Variants in COL4A4 observed in about 807,000 individuals in gnomAD.
The protein encoded by COL4A4 is collagen alpha-4(IV) chain.
In COL4A4, 105 loss-of-function variants were observed where a neutral mutation model predicts 192.9. The ratio of observed to expected loss-of-function variants is 0.54; its 90% CI spans 0.46 to 0.64. The LOEUF (loss-of-function observed/expected upper bound fraction) is 0.64, where lower values mean the gene tolerates loss of function less well. Among genes scored for constraint, COL4A4 ranks in the 30% least tolerant of loss-of-function variants. The pLI is 0.00. For synonymous variants in COL4A4, 762 were observed against 769.9 expected, an observed-to-expected ratio of 0.99 and a Z score of 0.17; for missense variants, 1,967 against 2,169.3, an observed-to-expected ratio of 0.91 and a Z score of 1.85.
intron 25 of COL4A4, among the ~76,000 whole-genome samples, chr2:227,068,610 C>A (rs1257175414): frequency 6.6e-6 from 1 of 152,124 alleles, no homozygotes; most frequent in Admixed American, 6.5e-5. Context: ...GAACCAAAGA[C>A]AAAAACCACA....
chr2:227,058,308 T>C (rs1976021559), intron 28 of COL4A4, among the ~76,000 whole-genome samples: 1 of 152,130 alleles, frequency 6.6e-6, no homozygotes, highest in Admixed American at 6.5e-5. Flanking sequence ...TCTTTCCAAT[T>C]ATTCCTCTGC....
chr2:227,142,899 T>C (rs936133491), intron 3 of COL4A4, among the ~76,000 whole-genome samples: 4 of 151,982 alleles, frequency 2.6e-5, no homozygotes, highest in Admixed American at 1.3e-4. Flanking sequence ...GGAAAACAAA[T>C]GTCCTCTTTC....
intron 22 of COL4A4, among the ~76,000 whole-genome samples, chr2:227,083,911 G>A (rs1276641106): frequency 6.6e-6 from 1 of 152,254 alleles, no homozygotes; most frequent in Admixed American, 6.5e-5. Flanking sequence ...CAGTGAAGAG[G>A]AAGCCAAAAA....
In COL4A4 at chr2:227,044,735, G is replaced by A. The variant is rs576283039; in HGVS notation, c.3290-1551C>T. Among the ~76,000 whole-genome samples, 126 of 152,142 alleles carry A rather than the reference G, an allele frequency of 8.3e-4. 1 individual carries two copies. The highest frequency in any genetic ancestry group is 1.3e-3 in the Non-Finnish European group (86 of 68,006). ...TGCAGAGTAGGTAGGACTGAACCCA[G>A]GATAATCACATATAATCCCAAGACC... On this transcript the variant is annotated intron_variant, in intron 35 of 47. Coordinates refer to ENST00000396625, the MANE Select transcript of COL4A4 (RefSeq NM_000092.5).
At chr2:227,126,008 C>T (rs1229777266) in intron 4 of COL4A4, among the ~76,000 whole-genome samples, 7 of 152,118 alleles carry the variant, frequency 4.6e-5, no homozygotes, top group Non-Finnish European at 7.4e-5. Flanking sequence ...GCAAGACAGG[C>T]GGCCCTCCAT....
At chr2:227,107,751 C>T (rs999468950) in intron 12 of COL4A4, among the ~76,000 whole-genome samples, 1 of 131,412 alleles carries the variant, frequency 7.6e-6, no homozygotes, top group East Asian at 2.1e-4. Flanking sequence ...TCTTAAATCA[C>T]TTTTCTTTTT....
At chr2:227,060,827 A>T (rs1256051366) in intron 26 of COL4A4, among the ~76,000 whole-genome samples, 1 of 150,266 alleles carries the variant, frequency 6.7e-6, no homozygotes, top group Non-Finnish European at 1.5e-5. Context: ...TCCTGGGTTC[A>T]CGCCATTCTC....
chr2:226,994,373 T>C, the COL4A4 span, among the ~76,000 whole-genome samples: 1 of 152,122 alleles, frequency 6.6e-6, no homozygotes, highest in Non-Finnish European at 1.5e-5. Context: ...GTGGTGATGA[T>C]TGAATGAAGA....
chr2:227,138,822 G>A (rs1164691331), intron 4 of COL4A4, among the ~76,000 whole-genome samples: 1 of 152,140 alleles, frequency 6.6e-6, no homozygotes, highest in East Asian at 1.9e-4. Flanking sequence ...TAAAGATGAA[G>A]CAATACCATG....
intron 44 of COL4A4, among the ~76,000 whole-genome samples, chr2:227,013,750 T>G (rs1046898290): frequency 6.6e-6 from 1 of 152,162 alleles, no homozygotes; most frequent in Non-Finnish European, 1.5e-5. Context: ...AAACATTAAA[T>G]CAAAGGGGCT....
intron 8 of COL4A4, among the ~76,000 whole-genome samples, chr2:227,113,614 A>G (rs2061339988): frequency 6.6e-6 from 1 of 152,202 alleles, no homozygotes; most frequent in Admixed American, 6.5e-5. Context: ...AGTAAGCCTC[A>G]GTTCTCTCCT....
At chr2:227,045,859 TATACACATATATATAC>T (rs1338281819) in intron 35 of COL4A4, among the ~76,000 whole-genome samples, 2 of 87,864 alleles carry the variant, frequency 2.3e-5, no homozygotes, top group East Asian at 5.7e-4. Context: ...CACATATATA[TATACACATATATATAC>T]ATATATATGT....
chr2:227,018,948 A>G (rs538341693), intron 44 of COL4A4, among the ~76,000 whole-genome samples: 1 of 152,370 alleles, frequency 6.6e-6, no homozygotes, highest in Admixed American at 6.5e-5. Context: ...AAAGATAACT[A>G]TCATGTTCAA....
the COL4A4 span, among the ~76,000 whole-genome samples, chr2:226,986,996 C>T: frequency 6.6e-6 from 1 of 152,116 alleles, no homozygotes; most frequent in Non-Finnish European, 1.5e-5. Flanking sequence ...ACTATGCAGC[C>T]ATAAAAAAGA....
At position 227,102,927 on chromosome 2, in the gene COL4A4, GA is replaced by G. The variant is rs936481327; in HGVS notation, c.871-80del. On this transcript the variant is annotated intron_variant, in intron 14 of 47. Transcript: ENST00000396625. ...GGGAAAGCAATATTTCAGCAATAGG[GA>G]AAAAAAACAAAATGAGAAACAAAAA... is the stretch of plus-strand genomic sequence containing the variant. 2.1e-4 allele frequency: 175 copies of G among 831,766 alleles called. No individual in the cohort carries two copies. In the Admixed American group the frequency reaches 2.4e-3, roughly 11 times the overall value. The allele number at this position is 831,766 out of a possible 1,614,324, so 51.5% of individuals were successfully genotyped here.
chr2:227,157,248 G>A (rs1437256694), intron 1 of COL4A4, among the ~76,000 whole-genome samples: 1 of 152,008 alleles, frequency 6.6e-6, no homozygotes, highest in African/African-American at 2.4e-5. Flanking sequence ...GTTTTGAGCT[G>A]AATGATAATA....
intron 4 of COL4A4, among the ~76,000 whole-genome samples, chr2:227,126,304 G>A (rs990521077): frequency 6.6e-6 from 1 of 152,180 alleles, no homozygotes; most frequent in African/African-American, 2.4e-5. Context: ...ATTCCTCATG[G>A]ATGCAAAGAG....
chr2:226,981,692 C>T, the COL4A4 span, among the ~76,000 whole-genome samples: 1 of 152,152 alleles, frequency 6.6e-6, no homozygotes, highest in Non-Finnish European at 1.5e-5. Context: ...GGTTAAATGC[C>T]ATCAAATACA....
At chr2:227,160,887 C>G (rs918113851) in intron 1 of COL4A4, among the ~76,000 whole-genome samples, 2 of 152,074 alleles carry the variant, frequency 1.3e-5, no homozygotes, top group Non-Finnish European at 2.9e-5. Context: ...CACTCAGATT[C>G]TAAAAGCACC....
Sources: allele counts gnomAD v4.1 joint callset (sites outside exome capture counted in the v4.1 genomes callset), GRCh38; gene constraint gnomAD v4.1.1; transcripts MANE v1.5; gene names NCBI Gene and HGNC (gene_info 2026-07-23, HGNC 2026-07-21).